LMAN2: variants seen among roughly 807,000 people sequenced by gnomAD.
The protein encoded by LMAN2 is lectin, mannose binding 2, also known as vesicular integral-membrane protein VIP36.
LMAN2 carries 22 observed loss-of-function variants against 39.3 expected under a neutral mutation model. The observed-to-expected ratio is 0.56, with a 90% CI of 0.40 to 0.80. LMAN2 has a LOEUF of 0.80. LMAN2 is among the 30% of genes least tolerant of loss of function. The pLI is 0.00. For missense variants in LMAN2, 494 were observed against 505.4 expected, an observed-to-expected ratio of 0.98 and a Z score of 0.22; for synonymous variants, 207 against 207.8, an observed-to-expected ratio of 1.00 and a Z score of 0.03.
chr5:177,332,294 A>G lies in LMAN2; in HGVS notation c.911-48T>C, dbSNP rs1761400487. On this transcript the variant is annotated intron_variant, in intron 7 of 7. Transcript: ENST00000303127. This position sits in a 1 kb window ranked among gnomAD's most constrained non-coding sequence, Gnocchi z 6.3. ...GCTGAAACGGCAGCACGGGCCGGGG[A>G]TCAGGGGGCTGCAGGAGGGCAGTGG... The G allele has an allele frequency of 6.4e-7, 1 of 1,573,788 alleles. No homozygotes were observed. The highest frequency in any genetic ancestry group is 8.7e-7 in the Non-Finnish European group (1 of 1,152,888).
chr5:177,343,550 C>T (rs1306833518), intron 2 of LMAN2, among the ~76,000 whole-genome samples: 4 of 149,900 alleles, frequency 2.7e-5, no homozygotes, highest in East Asian at 1.9e-4. Context: ...GATGAATACA[C>T]GGAATGTGGT....
At chr5:177,346,401 G>T in intron 2 of LMAN2, 1 of 735,332 alleles carries the variant, frequency 1.4e-6, no homozygotes, top group South Asian at 4.7e-5. Flanking sequence ...GAGTTGAGGT[G>T]GAAGTCACCA....
At chr5:177,344,101 C>A (rs566517211) in intron 2 of LMAN2, among the ~76,000 whole-genome samples, 178 of 151,546 alleles carry the variant, frequency 1.2e-3, no homozygotes, top group Non-Finnish European at 2.3e-3. Flanking sequence ...GCCTTGTAAT[C>A]CCAGCTACTC....
At chr5:177,349,562 C>G (rs941050812) in intron 2 of LMAN2, among the ~76,000 whole-genome samples, 4 of 152,212 alleles carry the variant, frequency 2.6e-5, no homozygotes, top group African/African-American at 9.6e-5. Flanking sequence ...GCCTCTCAGT[C>G]CTGTGACATC....
At chr5:177,350,415 T>C (rs1761703868) in intron 2 of LMAN2, among the ~76,000 whole-genome samples, 1 of 152,202 alleles carries the variant, frequency 6.6e-6, no homozygotes, top group African/African-American at 2.4e-5. Flanking sequence ...TCAGTGTGGA[T>C]TCTGTGTAGC....
chr5:177,346,779 AGGCAC>A (rs1421062629), intron 2 of LMAN2, among the ~76,000 whole-genome samples: 1 of 151,948 alleles, frequency 6.6e-6, no homozygotes, highest in East Asian at 1.9e-4. Context: ...TGACACTTAC[AGGCAC>A]GTGTCACCTT....
intron 2 of LMAN2, among the ~76,000 whole-genome samples, chr5:177,347,128 AT>A (rs1761648867): frequency 6.6e-6 from 1 of 152,230 alleles, no homozygotes; most frequent in Non-Finnish European, 1.5e-5. Context: ...TTAAAAAAAA[AT>A]ATCTCACATG....
Position 177,351,566 on chromosome 5 carries a change from C to T in LMAN2, c.82G>A (p.Gly28Ser). 1 of 1,614,200 alleles carries T rather than the reference C, an allele frequency of 6.2e-7. No homozygotes were observed. The highest frequency in any genetic ancestry group is 8.5e-7 in the Non-Finnish European group (1 of 1,180,046). Residue 28 changes from glycine (G) to serine (S), a missense_variant, in exon 1 of 8, where the codon GGC becomes AGC. Gly to Ser is a moderately conservative substitution (Grantham distance 56). Transcript: ENST00000303127. ...AGAAGAAAGAGAGGTGTAGTGGGGC[C>T]AGGGCCGGGGCCGAGAAGCCCAGGC... is the stretch of plus-strand genomic sequence containing the variant. ...GRPGLLGPGP[G>S]PTTPLFLLLL... is the part of the protein sequence containing the mutation.
chr5:177,334,164 C>G, intron 7 of LMAN2, 120 bp downstream of exon 7: 1 of 1,459,094 alleles, frequency 6.9e-7, no homozygotes, highest in Non-Finnish European at 9.1e-7. Context: ...CGGGCTGATC[C>G]AAGAGCCCAG....
intron 2 of LMAN2, chr5:177,346,271 A>G (rs990054550): frequency 7.7e-6 from 2 of 261,246 alleles, no homozygotes; most frequent in Admixed American, 8.1e-5. Flanking sequence ...ACCACAAGAA[A>G]AACTCCTTGT....
chr5:177,335,089 T>C (rs1259635525), intron 6 of LMAN2, among the ~76,000 whole-genome samples: 2 of 152,218 alleles, frequency 1.3e-5, no homozygotes, highest in South Asian at 2.1e-4. Flanking sequence ...ACGTGGGTCC[T>C]GGTCAGCCTG....
chr5:177,334,453 C>A, intron 6 of LMAN2, 50 bp from the exon 7 acceptor site: 2 of 1,579,142 alleles, frequency 1.3e-6, no homozygotes. Flanking sequence ...AGCCGCAGGG[C>A]ACGTGGCCCA....
Position 177,332,216 on chromosome 5 carries a change from C to T in LMAN2, c.941G>A (p.Arg314His), listed in dbSNP as rs747269398. ...DNVDDPTGNFRSGPLTGWRVF... is the reference protein window; with the variant it reads ...DNVDDPTGNFHSGPLTGWRVF... ...CCGCCACCCCGTCAGGGGCCCGCTG[C>T]GGAAGTTCCCCGTGGGGTCGTCCAC... The change falls in exon 8 of 8, where the codon CGC (arginine) becomes CAC (histidine). Residue 314 changes from arginine to histidine, a missense_variant. By Grantham distance (29) the Arg-to-His change is conservative (BLOSUM62 0). Transcript: ENST00000303127. This position sits in a 1 kb window ranked among gnomAD's most constrained non-coding sequence, Gnocchi z 6.3. 3.0e-5 allele frequency: 48 copies of T among 1,613,078 alleles called. No individual in the cohort carries two copies. The highest frequency in any genetic ancestry group is 4.0e-5 in the Non-Finnish European group (47 of 1,179,816).
chr5:177,342,617 T>G (rs1221296561), intron 2 of LMAN2, among the ~76,000 whole-genome samples: 1 of 151,504 alleles, frequency 6.6e-6, no homozygotes, highest in African/African-American at 2.4e-5. Context: ...GCTGGAGAGG[T>G]CAAGGCTGCA....
chr5:177,348,999 T>C (rs1761680686), intron 2 of LMAN2, among the ~76,000 whole-genome samples: 2 of 152,196 alleles, frequency 1.3e-5, no homozygotes, highest in Admixed American at 1.3e-4. Flanking sequence ...GCTGTCATCC[T>C]TTGCAAATAC....
At chr5:177,349,928 A>G (rs951569384) in intron 2 of LMAN2, among the ~76,000 whole-genome samples, 2 of 152,182 alleles carry the variant, frequency 1.3e-5, no homozygotes, top group Non-Finnish European at 2.9e-5. Flanking sequence ...AGTGTCCCAG[A>G]CAGAGGGAAC....
At chr5:177,346,520 G>GGTTC (rs1483251170) in intron 2 of LMAN2, 3 of 173,172 alleles carry the variant, frequency 1.7e-5, no homozygotes, top group Non-Finnish European at 3.7e-5. Flanking sequence ...TGTAAAAAGG[G>GGTTC]GTTCTTCTTA....
chr5:177,350,985 C>A (rs1561608494), intron 2 of LMAN2, among the ~76,000 whole-genome samples, 188 bp downstream of exon 2: 1 of 152,144 alleles, frequency 6.6e-6, no homozygotes, highest in Non-Finnish European at 1.5e-5. Flanking sequence ...AAGTGTCAAG[C>A]GCAGCTCCTG....
In LMAN2 at chr5:177,351,286, C is replaced by T; in HGVS notation, c.202G>A (p.Gly68Ser). 6.2e-7 allele frequency: 1 copy of T among 1,613,904 alleles called. No individual in the cohort carries two copies. Among genetic ancestry groups the T allele is most frequent in the Non-Finnish European group, 8.5e-7 (1 of 1,180,016 alleles). Residue 68 changes from glycine (G) to serine (S), a missense_variant, in exon 2 of 8, where the codon GGT becomes AGT. Transcript: ENST00000303127. ...HSLIKPYQGV[G>S]SSSMPLWDFQ... The stretch of plus-strand genomic sequence containing the variant: ...TCCCAGAGGGGCATAGAGCTGGAAC[C>T]GACCCCTGTGGGAAGAGACAGGTGC...
Sources: allele counts gnomAD v4.1 joint callset (sites outside exome capture counted in the v4.1 genomes callset), GRCh38; gene constraint gnomAD v4.1.1; non-coding constraint Gnocchi (gnomAD v3.1); transcripts MANE v1.5; gene names NCBI Gene and HGNC (gene_info 2026-07-23, HGNC 2026-07-21).